ARHGAP44: variants seen among roughly 807,000 people sequenced by gnomAD.
ARHGAP44 encodes the protein rho GTPase-activating protein 44.
ARHGAP44 carries 43 observed loss-of-function variants against 106.8 expected under a neutral mutation model. That is an observed-to-expected ratio of 0.40 (90% CI 0.32 to 0.52). The LOEUF is 0.52. Ranked by LOEUF, ARHGAP44 falls within the 20% of genes least tolerant of loss-of-function variation. ARHGAP44 has a pLI of 0.48. For missense variants in ARHGAP44, 866 were observed against 1,050.5 expected (o/e 0.82, Z 2.43); for synonymous variants, 439 against 410.3 (o/e 1.07, Z -0.85).
At chr17:12,845,815 C>T (rs1011161098) in intron 1 of ARHGAP44, among the ~76,000 whole-genome samples, 1 of 152,168 alleles carries the variant, frequency 6.6e-6, no homozygotes, top group African/African-American at 2.4e-5. Context: ...AACACACACA[C>T]GTGCACTGTA....
chr17:12,970,741 GTTTC>G (rs1555565519), intron 16 of ARHGAP44, among the ~76,000 whole-genome samples: 12 of 152,158 alleles, frequency 7.9e-5, no homozygotes, highest in Non-Finnish European at 1.6e-4. Flanking sequence ...TCCAGCTACT[GTTTC>G]TTTATGCAAT....
intron 1 of ARHGAP44, among the ~76,000 whole-genome samples, chr17:12,794,538 A>G (rs1484632964): frequency 6.6e-6 from 1 of 152,146 alleles, no homozygotes; most frequent in South Asian, 2.1e-4. Context: ...TCTTGTTTAA[A>G]ATGAGTGATG....
chr17:12,798,003 G>A (rs2033975507), intron 1 of ARHGAP44, among the ~76,000 whole-genome samples: 1 of 151,918 alleles, frequency 6.6e-6, no homozygotes, highest in African/African-American at 2.4e-5. Context: ...CTTACTCTTT[G>A]TTGCTGGAAT....
chr17:12,943,972 TA>T, intron 9 of ARHGAP44, 96 bp from the exon 10 acceptor site: 1 of 1,424,016 alleles, frequency 7.0e-7, no homozygotes, highest in Non-Finnish European at 9.3e-7. Context: ...CTCTCTTTGG[TA>T]ATCTTAGGAG....
At chr17:12,830,772 C>T (rs780626533) in intron 1 of ARHGAP44, among the ~76,000 whole-genome samples, 1 of 152,092 alleles carries the variant, frequency 6.6e-6, no homozygotes, top group Non-Finnish European at 1.5e-5. Context: ...GGGAGCTATT[C>T]CTGACAGCTC....
intron 5 of ARHGAP44, among the ~76,000 whole-genome samples, 160 bp downstream of exon 5, chr17:12,916,171 C>A (rs566316217): frequency 6.6e-6 from 1 of 152,224 alleles, no homozygotes; most frequent in South Asian, 2.1e-4. Context: ...TCAAGATTCC[C>A]AAATATGTCC....
At chr17:12,987,221 C>T (rs974171187) in intron 20 of ARHGAP44, 39 of 1,365,532 alleles carry the variant, frequency 2.9e-5, no homozygotes, top group Non-Finnish European at 3.6e-5. Context: ...TCCTCCCCTC[C>T]GCTCCTCGTC....
chr17:12,826,749 G>T (rs1272524485), intron 1 of ARHGAP44, among the ~76,000 whole-genome samples: 1 of 152,064 alleles, frequency 6.6e-6, no homozygotes, highest in Non-Finnish European at 1.5e-5. Context: ...AGATTCTCTT[G>T]ATTCTTCTTA....
chr17:12,956,118 C>G, intron 14 of ARHGAP44, 138 bp downstream of exon 14: 2 of 624,916 alleles, frequency 3.2e-6, no homozygotes. Flanking sequence ...TGGCCTGCTC[C>G]TCTTTTAGGC....
intron 1 of ARHGAP44, among the ~76,000 whole-genome samples, chr17:12,860,231 C>T (rs553529354): frequency 9.9e-4 from 151 of 152,218 alleles, no homozygotes; most frequent in African/African-American, 3.3e-3. Flanking sequence ...TGACATTATC[C>T]AGCTGTTCAG....
At chr17:12,940,020 C>T (rs1183990677) in intron 7 of ARHGAP44, among the ~76,000 whole-genome samples, 1 of 152,188 alleles carries the variant, frequency 6.6e-6, no homozygotes, top group African/African-American at 2.4e-5. Context: ...TAATTAGCAG[C>T]TAGAGAGACT....
intron 1 of ARHGAP44, among the ~76,000 whole-genome samples, chr17:12,876,235 G>A (rs1448699921): frequency 6.6e-6 from 1 of 152,108 alleles, no homozygotes; most frequent in Non-Finnish European, 1.5e-5. Flanking sequence ...ATTATTAAAA[G>A]CATCCAATCC....
At chr17:12,883,719 C>T (rs2036803666) in intron 1 of ARHGAP44, among the ~76,000 whole-genome samples, 1 of 152,096 alleles carries the variant, frequency 6.6e-6, no homozygotes, top group African/African-American at 2.4e-5. Context: ...TTTGTGACTT[C>T]TGACCTTTGA....
chr17:12,859,227 C>A (rs2035996641), intron 1 of ARHGAP44, among the ~76,000 whole-genome samples: 1 of 152,172 alleles, frequency 6.6e-6, no homozygotes, highest in Non-Finnish European at 1.5e-5. Flanking sequence ...TGCTTGCAGC[C>A]ACCACGAGCT....
At chr17:12,818,518 T>C (rs1194530548) in intron 1 of ARHGAP44, among the ~76,000 whole-genome samples, 1 of 151,852 alleles carries the variant, frequency 6.6e-6, no homozygotes, top group Admixed American at 6.6e-5. Flanking sequence ...GACATACATA[T>C]TGAAAAAGAA....
chr17:12,944,531 G>A (rs2108537), intron 10 of ARHGAP44, among the ~76,000 whole-genome samples: 29,313 of 151,726 alleles, frequency 0.19, 3,439 homozygotes, highest in Non-Finnish European at 0.27. Context: ...GTGGCACAAG[G>A]CTGGAGTGCA....
chr17:12,970,378 A>AGAAAAG (rs1555565442), intron 16 of ARHGAP44, among the ~76,000 whole-genome samples: 1 of 51,004 alleles, frequency 2.0e-5, no homozygotes, highest in Non-Finnish European at 4.1e-5. Flanking sequence ...AAAAAAAAAA[A>AGAAAAG]AAAAAAAAAA....
intron 20 of ARHGAP44, chr17:12,987,337 C>T: frequency 3.9e-6 from 2 of 508,608 alleles, no homozygotes; most frequent in Non-Finnish European, 6.9e-6. Flanking sequence ...TGGGGCATCC[C>T]TGGCCTCCTT....
intron 13 of ARHGAP44, 169 bp from the exon 14 acceptor site, chr17:12,955,698 G>A (rs1042353185): frequency 1.7e-5 from 9 of 545,266 alleles, no homozygotes; most frequent in Middle Eastern, 3.4e-4. Context: ...TTGGAAAGAG[G>A]ATGCAGAATT....
Sources: gnomAD v4.1 joint callset for allele counts (sites outside exome capture counted in the v4.1 genomes callset) on GRCh38, gnomAD v4.1.1 for gene constraint, MANE v1.5 for transcripts, NCBI Gene and HGNC (gene_info 2026-07-23, HGNC 2026-07-21) for gene names.